UBE2E2: variants seen among roughly 807,000 people sequenced by gnomAD.
UBE2E2 encodes the protein ubiquitin-conjugating enzyme E2 E2.
Under a neutral mutation model 24.7 loss-of-function variants are expected in UBE2E2, and 6 were observed. The ratio of observed to expected loss-of-function variants is 0.24; its 90% CI spans 0.13 to 0.48. UBE2E2 has a LOEUF of 0.48. UBE2E2 is among the 20% of genes least tolerant of loss of function. The pLI is 0.99. For missense variants in UBE2E2, 169 were observed against 245.0 expected (o/e 0.69, Z 2.07); for synonymous variants, 104 against 83.6 (o/e 1.24, Z -1.33).
At chr3:23,477,905 G>T (rs568260753) in intron 3 of UBE2E2, among the ~76,000 whole-genome samples, 1 of 152,134 alleles carries the variant, frequency 6.6e-6, no homozygotes, top group African/African-American at 2.4e-5. Context: ...TTTATAAGGC[G>T]CTTTTCCCCC....
chr3:23,376,203 A>G (rs941770219), intron 3 of UBE2E2, among the ~76,000 whole-genome samples: 5 of 152,170 alleles, frequency 3.3e-5, no homozygotes, highest in Non-Finnish European at 7.3e-5. Flanking sequence ...AACAGTATAT[A>G]TTGGGATACT....
At chr3:23,431,575 T>A (rs573845861) in intron 3 of UBE2E2, among the ~76,000 whole-genome samples, 30 of 152,330 alleles carry the variant, frequency 2.0e-4, no homozygotes, top group African/African-American at 7.0e-4. Context: ...TTTTCTTAGA[T>A]AACATTTTAT....
intron 3 of UBE2E2, among the ~76,000 whole-genome samples, chr3:23,413,435 A>G (rs1384206502): frequency 6.6e-6 from 1 of 152,160 alleles, no homozygotes; most frequent in Non-Finnish European, 1.5e-5. Flanking sequence ...ATCATCATTA[A>G]GATCAGCTCA....
chr3:23,487,410 C>T lies in UBE2E2; in HGVS notation c.228-12198C>T, dbSNP rs535689602. On this transcript the variant is annotated intron_variant, in intron 3 of 5. Transcript: ENST00000396703. Reference sequence around the variant, plus strand: ...CCCACCCTACCAACTCGGTAGGGTCCGGGGCTCCCACTGGGATCACCTGTT... The same window carrying T: ...CCCACCCTACCAACTCGGTAGGGTCTGGGGCTCCCACTGGGATCACCTGTT... 6.6e-5 allele frequency among the ~76,000 whole-genome samples: 10 copies of T among 152,290 alleles called. 1 individual carries two copies. Among genetic ancestry groups the T allele is most frequent in the African/African-American group, 1.4e-4 (6 of 41,558 alleles).
chr3:23,474,648 C>A lies in UBE2E2; in HGVS notation c.228-24960C>A, dbSNP rs909386104. 1.3e-5 allele frequency among the ~76,000 whole-genome samples: 2 copies of A among 152,078 alleles called. No homozygotes were observed. Among genetic ancestry groups the A allele is most frequent in the African/African-American group, 4.8e-5 (2 of 41,352 alleles). On this transcript the variant is annotated intron_variant, in intron 3 of 5. Coordinates refer to ENST00000396703, the MANE Select transcript of UBE2E2 (RefSeq NM_152653.4). This position sits in a 1 kb window ranked among gnomAD's most constrained non-coding sequence, Gnocchi z 4.0. ...TACCCTGGTCACACAACTGGAATGG[C>A]AGTCTAGAATAAAACTATGCTGTTT...
intron 3 of UBE2E2, among the ~76,000 whole-genome samples, chr3:23,316,104 G>C (rs974640873): frequency 6.6e-6 from 1 of 152,078 alleles, no homozygotes; most frequent in Non-Finnish European, 1.5e-5. Context: ...GTCTTATCCA[G>C]GGTCCCCTGT....
At chr3:23,260,232 G>A (rs1697859491) in intron 3 of UBE2E2, among the ~76,000 whole-genome samples, 3 of 152,078 alleles carry the variant, frequency 2.0e-5, no homozygotes, top group South Asian at 4.1e-4. Context: ...AAACAGTATT[G>A]TCTAATCCAT....
At position 23,264,749 on chromosome 3, in the gene UBE2E2, A is replaced by G. The variant is rs577162911; in HGVS notation, c.227+47437A>G. Among the ~76,000 whole-genome samples the G allele has an allele frequency of 1.3e-4, 20 of 152,324 alleles. No individual in the cohort carries two copies. In the East Asian group the frequency reaches 3.9e-3, roughly 29 times the overall value. ...GGTTTTGTATATACTTCAGAAATCA[A>G]ATGAGCAGATAATATATTTAAGATC... is the stretch of plus-strand genomic sequence containing the variant. On this transcript the variant is annotated intron_variant, in intron 3 of 5. Coordinates refer to ENST00000396703, the MANE Select transcript of UBE2E2 (RefSeq NM_152653.4).
intron 5 of UBE2E2, among the ~76,000 whole-genome samples, chr3:23,564,938 T>A (rs1330598684): frequency 6.6e-6 from 1 of 152,120 alleles, no homozygotes; most frequent in Non-Finnish European, 1.5e-5. Context: ...ACCAGGCATA[T>A]GAGAAGGGCA....
intron 4 of UBE2E2, among the ~76,000 whole-genome samples, chr3:23,501,259 T>C (rs149067851): frequency 2.9e-4 from 44 of 152,318 alleles, no homozygotes; most frequent in African/African-American, 1.0e-3. Context: ...TCAGAAAATG[T>C]GTGGGCTTAT....
intron 2 of UBE2E2, among the ~76,000 whole-genome samples, chr3:23,209,318 G>T (rs1223906316): frequency 6.6e-6 from 1 of 152,158 alleles, no homozygotes; most frequent in African/African-American, 2.4e-5. Flanking sequence ...TTAGCAACAG[G>T]TGCATCTTGG....
chr3:23,292,033 T>G (rs949633089), intron 3 of UBE2E2, among the ~76,000 whole-genome samples: 1 of 152,002 alleles, frequency 6.6e-6, no homozygotes, highest in African/African-American at 2.4e-5. Context: ...TAATTTTTTG[T>G]ATTTTTAGTA....
Position 23,538,005 on chromosome 3 carries a change from C to T in UBE2E2, c.508+5304C>T, listed in dbSNP as rs149852475. 8.5e-5 allele frequency among the ~76,000 whole-genome samples: 13 copies of T among 152,254 alleles called. No individual in the cohort carries two copies. The East Asian group carries it at 2.1e-3, about 25-fold the overall frequency. On this transcript the variant is annotated intron_variant, in intron 5 of 5. Coordinates refer to ENST00000396703, the MANE Select transcript of UBE2E2 (RefSeq NM_152653.4). Reference sequence around the variant, plus strand: ...GTGTGAACCTTGCTGCTGCATGTCTCATTCTACTATACTTGAGAACTGAAA... The same window carrying T: ...GTGTGAACCTTGCTGCTGCATGTCTTATTCTACTATACTTGAGAACTGAAA...
intron 3 of UBE2E2, among the ~76,000 whole-genome samples, chr3:23,381,370 C>T (rs957479410): frequency 1.3e-5 from 2 of 152,098 alleles, no homozygotes; most frequent in African/African-American, 4.8e-5. Context: ...CTATAATTTT[C>T]ACTGTCCATG....
At chr3:23,342,203 G>A (rs1343038021) in intron 3 of UBE2E2, among the ~76,000 whole-genome samples, 1 of 118,836 alleles carries the variant, frequency 8.4e-6, no homozygotes, top group Non-Finnish European at 1.8e-5. Flanking sequence ...TTTTTTTTTT[G>A]AGACAGGGTC....
chr3:23,544,089 A>C (rs1313863930), intron 5 of UBE2E2, among the ~76,000 whole-genome samples: 1 of 152,236 alleles, frequency 6.6e-6, no homozygotes, highest in Non-Finnish European at 1.5e-5. Context: ...CTTACATTGA[A>C]GACTAAACCA....
chr3:23,515,389 G>A (rs923233517), intron 4 of UBE2E2, among the ~76,000 whole-genome samples: 2 of 152,058 alleles, frequency 1.3e-5, no homozygotes, highest in East Asian at 3.9e-4. Context: ...TGGCAGGGAA[G>A]GCTTTCTCAA....
At chr3:23,237,355 G>A (rs920098808) in intron 3 of UBE2E2, among the ~76,000 whole-genome samples, 4 of 152,130 alleles carry the variant, frequency 2.6e-5, no homozygotes, top group Admixed American at 2.6e-4. Context: ...TAGTTACTAA[G>A]GCAGATAACT....
At chr3:23,250,646 T>A (rs1697550045) in intron 3 of UBE2E2, among the ~76,000 whole-genome samples, 1 of 152,282 alleles carries the variant, frequency 6.6e-6, no homozygotes, top group South Asian at 2.1e-4. Context: ...ATTAATGTGA[T>A]AAATTATTCA....
Sources: allele counts gnomAD v4.1 joint callset (sites outside exome capture counted in the v4.1 genomes callset), GRCh38; gene constraint gnomAD v4.1.1; non-coding constraint Gnocchi (gnomAD v3.1); transcripts MANE v1.5; gene names NCBI Gene and HGNC (gene_info 2026-07-23, HGNC 2026-07-21).